FOCAD: variants seen among roughly 807,000 people sequenced by gnomAD.
FOCAD encodes the protein KIAA1797.
A neutral mutation model predicts 225.6 loss-of-function variants in FOCAD; 198 were observed. The ratio of observed to expected loss-of-function variants is 0.88; its 90% confidence interval spans 0.78 to 0.99. The LOEUF (loss-of-function observed/expected upper bound fraction) is 0.99, where lower values mean the gene tolerates loss of function less well. FOCAD is among the 50% of genes least tolerant of loss of function. The pLI is 0.00. For synonymous variants in FOCAD, 897 were observed against 755.0 expected (o/e 1.19, Z -3.08); for missense variants, 2,713 against 2,123.6 (o/e 1.28, Z -5.46).
intron 10 of FOCAD, among the ~76,000 whole-genome samples, chr9:20,788,673 C>G (rs1820198984): frequency 6.6e-6 from 1 of 152,186 alleles, no homozygotes; most frequent in Non-Finnish European, 1.5e-5. Flanking sequence ...ACGTCTGCCA[C>G]TTCTGAGCTG....
chr9:20,920,155 G>T (rs1414452788), intron 24 of FOCAD, among the ~76,000 whole-genome samples: 6 of 152,270 alleles, frequency 3.9e-5, no homozygotes, highest in African/African-American at 1.4e-4. Flanking sequence ...GGGCGAAGGA[G>T]ATGAACAGAC....
chr9:20,671,703 C>T (rs1822068742), intron 2 of FOCAD, among the ~76,000 whole-genome samples: 1 of 152,174 alleles, frequency 6.6e-6, no homozygotes, highest in Non-Finnish European at 1.5e-5. Flanking sequence ...AATGATTATG[C>T]TCCTGGCAGG....
Position 20,874,665 on chromosome 9 carries a change from T to G in FOCAD, c.2191-16T>G, listed in dbSNP as rs1276006272. On this transcript the variant is annotated splice_polypyrimidine_tract_variant and intron_variant, in intron 18 of 43. Transcript: ENST00000338382. ...TATTATTATCCTCTCTATGATCTTT[T>G]CGCTTATCATTTCAGATAAGACCAG... The G allele has an allele frequency of 6.2e-7, 1 of 1,611,108 alleles. No homozygotes were observed. The highest frequency in any genetic ancestry group is 8.5e-7 in the Non-Finnish European group (1 of 1,178,622).
rs910816526 is a variant in FOCAD at position 20,797,012 on chromosome 9, C to A, written c.1455+7404C>A. Among the ~76,000 whole-genome samples the A allele has an allele frequency of 7.2e-5, 11 of 152,154 alleles. 1 individual carries two copies. The highest frequency in any genetic ancestry group is 5.2e-4 in the Admixed American group (8 of 15,270). ...TTTGTATAAGGTATAAGGAAGGGAT[C>A]CAGTTTCAGCTTTCTCCGTATGGCT... On this transcript the variant is annotated intron_variant, in intron 11 of 43. Coordinates refer to ENST00000338382, the MANE Select transcript of FOCAD (RefSeq NM_001375567.1).
At chr9:20,778,061 G>C (rs1415264977) in intron 8 of FOCAD, among the ~76,000 whole-genome samples, 13 of 119,600 alleles carry the variant, frequency 1.1e-4, no homozygotes, top group African/African-American at 4.2e-4. Flanking sequence ...CAGCACTCCC[G>C]CCTGGGCGAC....
chr9:20,794,535 C>T (rs920187976), intron 11 of FOCAD, among the ~76,000 whole-genome samples: 1 of 152,088 alleles, frequency 6.6e-6, no homozygotes, highest in Non-Finnish European at 1.5e-5. Flanking sequence ...TTAAAACACA[C>T]CAGAAAACTC....
chr9:20,931,381 C>G (rs1835454974), intron 27 of FOCAD, among the ~76,000 whole-genome samples: 1 of 152,160 alleles, frequency 6.6e-6, no homozygotes, highest in African/African-American at 2.4e-5. Flanking sequence ...TTAGTAATGC[C>G]ATTACTAACA....
chr9:20,715,832 C>G (rs911667561), intron 2 of FOCAD, among the ~76,000 whole-genome samples: 5 of 151,964 alleles, frequency 3.3e-5, no homozygotes, highest in African/African-American at 1.2e-4. Flanking sequence ...GTAAAATATC[C>G]TGGATTAGAA....
intron 25 of FOCAD, 107 bp downstream of exon 25, chr9:20,923,875 C>A: frequency 2.5e-6 from 2 of 793,364 alleles, no homozygotes; most frequent in Non-Finnish European, 4.2e-6. Flanking sequence ...ATTATGGCAC[C>A]AAGTTATAGT....
rs1219032929 is a variant in FOCAD at position 20,770,112 on chromosome 9, C to T, written c.780C>T (p.Phe260=). Residue 260 remains phenylalanine, a synonymous_variant, in exon 8 of 44, where the codon TTC becomes TTT. Transcript: ENST00000338382. The part of the protein sequence containing the change: ...VCLSLLRHPV[F]WKIQLTQMSL... Reference sequence around the variant, plus strand: ...TAAGCCTTTTGCGTCATCCTGTTTTCTGGAAAATTCAGCTTACCCAGATGA... The same window carrying T: ...TAAGCCTTTTGCGTCATCCTGTTTTTTGGAAAATTCAGCTTACCCAGATGA... 6.2e-7 allele frequency: 1 copy of T among 1,614,038 alleles called. No individual in the cohort carries two copies. The highest frequency in any genetic ancestry group is 1.1e-5 in the South Asian group (1 of 91,080).
chr9:20,708,785 A>G (rs1824598251), intron 1 of FOCAD, among the ~76,000 whole-genome samples: 1 of 147,680 alleles, frequency 6.8e-6, no homozygotes, highest in Non-Finnish European at 1.5e-5. Context: ...CTCTTAAGGA[A>G]AAAAAAAAAA....
intron 2 of FOCAD, among the ~76,000 whole-genome samples, chr9:20,677,073 C>A (rs554625138): frequency 2.0e-5 from 3 of 151,978 alleles, no homozygotes; most frequent in South Asian, 4.1e-4. Flanking sequence ...AGAGAGCCCA[C>A]GAATAAATCT....
intron 1 of FOCAD, among the ~76,000 whole-genome samples, chr9:20,698,753 T>G (rs1823593019): frequency 6.6e-6 from 1 of 152,244 alleles, no homozygotes; most frequent in Admixed American, 6.5e-5. Context: ...TTCTTTACAT[T>G]ATTAAAACTC....
At chr9:20,742,702 T>C (rs549984769) in intron 5 of FOCAD, among the ~76,000 whole-genome samples, 1 of 152,248 alleles carries the variant, frequency 6.6e-6, no homozygotes, top group East Asian at 1.9e-4. Flanking sequence ...CTTCACCGTG[T>C]GCAATTGTTA....
At chr9:20,898,126 G>A (rs1832255836) in intron 21 of FOCAD, among the ~76,000 whole-genome samples, 1 of 151,656 alleles carries the variant, frequency 6.6e-6, no homozygotes, top group Admixed American at 6.6e-5. Context: ...TTCTCTATAT[G>A]TATGGTATCT....
chr9:20,857,831 T>C (rs1828354023), intron 15 of FOCAD, among the ~76,000 whole-genome samples: 1 of 151,694 alleles, frequency 6.6e-6, no homozygotes, highest in Non-Finnish European at 1.5e-5. Flanking sequence ...TTGAGTTCTT[T>C]TTCAGCATCA....
chr9:20,983,247 C>T (rs1255477067), intron 39 of FOCAD, among the ~76,000 whole-genome samples: 2 of 152,106 alleles, frequency 1.3e-5, no homozygotes, highest in African/African-American at 4.8e-5. Context: ...CCAGGTGATT[C>T]TGGTGTATCC....
intron 24 of FOCAD, 52 bp downstream of exon 24, chr9:20,916,989 G>A: frequency 1.4e-6 from 2 of 1,422,788 alleles, no homozygotes; most frequent in Middle Eastern, 3.6e-4. Flanking sequence ...ACCTTTTCCT[G>A]GCAGGTACAT....
chr9:20,854,914 T>G (rs1828014593), intron 15 of FOCAD, among the ~76,000 whole-genome samples: 1 of 151,806 alleles, frequency 6.6e-6, no homozygotes, highest in Admixed American at 6.6e-5. Flanking sequence ...ATTCCTAATC[T>G]AAAAACCACT....
Sources: gnomAD v4.1 joint callset for allele counts (sites outside exome capture counted in the v4.1 genomes callset) on GRCh38, gnomAD v4.1.1 for gene constraint, MANE v1.5 for transcripts, NCBI Gene and HGNC (gene_info 2026-07-23, HGNC 2026-07-21) for gene names.